Variants in GMDS observed in about 807,000 individuals in gnomAD.
The protein encoded by GMDS is GDP-mannose 4,6-dehydratase.
Under a neutral mutation model 49.9 loss-of-function variants are expected in GMDS, and 20 were observed. The observed-to-expected ratio is 0.40, with a 90% CI of 0.28 to 0.58. The LOEUF is 0.58. GMDS is among the 20% of genes least tolerant of loss of function. The pLI is 0.42. For synonymous variants in GMDS, 177 were observed against 178.6 expected (o/e 0.99, Z 0.07); for missense variants, 362 against 481.4 (o/e 0.75, Z 2.32).
intron 9 of GMDS, among the ~76,000 whole-genome samples, chr6:1,723,728 TAAG>T (rs1156982465): frequency 6.6e-6 from 1 of 152,072 alleles, no homozygotes; most frequent in Non-Finnish European, 1.5e-5. Context: ...TTACAGACTA[TAAG>T]AAGAATAAGA....
intron 4 of GMDS, among the ~76,000 whole-genome samples, chr6:1,985,631 T>A (rs1299978108): frequency 6.6e-6 from 1 of 152,038 alleles, no homozygotes; most frequent in Non-Finnish European, 1.5e-5. Flanking sequence ...GGAATCAAAA[T>A]TCTGGAAATA....
intron 4 of GMDS, among the ~76,000 whole-genome samples, chr6:2,058,900 T>C (rs1770938982): frequency 6.6e-6 from 1 of 152,038 alleles, no homozygotes; most frequent in Non-Finnish European, 1.5e-5. Flanking sequence ...AAACATGTCA[T>C]CAGGCCGGGT....
At chr6:2,041,192 T>C (rs1466396121) in intron 4 of GMDS, among the ~76,000 whole-genome samples, 4 of 152,168 alleles carry the variant, frequency 2.6e-5, no homozygotes, top group Admixed American at 6.5e-5. Flanking sequence ...AATGCACATA[T>C]GCCGACATAT....
At chr6:1,793,910 C>T (rs1769640907) in intron 7 of GMDS, among the ~76,000 whole-genome samples, 1 of 152,052 alleles carries the variant, frequency 6.6e-6, no homozygotes, top group South Asian at 2.1e-4. Flanking sequence ...ATATAATGTG[C>T]TTAGGTCTAT....
intron 2 of GMDS, among the ~76,000 whole-genome samples, chr6:2,119,674 G>C (rs1275861737): frequency 6.6e-6 from 1 of 152,084 alleles, no homozygotes; most frequent in East Asian, 1.9e-4. Context: ...AGGATTTTGG[G>C]AGAAAAAGAT....
At position 2,237,312 on chromosome 6, in the gene GMDS, C is replaced by T. The variant is rs547231306; in HGVS notation, c.102+8009G>A. Among the ~76,000 whole-genome samples, 16 of 152,298 alleles carry T rather than the reference C, an allele frequency of 1.1e-4. No homozygotes were observed. The South Asian group carries it at 2.7e-3, about 26-fold the overall frequency. ...CTAGGTTTGGCACATTGGTGCCCCACTGCCAAGAACATTACTGATAATCAG... is the reference window on the plus strand; with the variant it reads ...CTAGGTTTGGCACATTGGTGCCCCATTGCCAAGAACATTACTGATAATCAG... On this transcript the variant is annotated intron_variant, in intron 1 of 10. Transcript: ENST00000380815.
chr6:1,835,421 G>C (rs555855920), intron 7 of GMDS, among the ~76,000 whole-genome samples: 1 of 152,172 alleles, frequency 6.6e-6, no homozygotes, highest in Non-Finnish European at 1.5e-5. Flanking sequence ...AGCATTCTTT[G>C]TAGGGAGTTG....
chr6:1,997,780 G>A (rs1263128277), intron 4 of GMDS, among the ~76,000 whole-genome samples: 1 of 152,044 alleles, frequency 6.6e-6, no homozygotes, highest in Non-Finnish European at 1.5e-5. Context: ...CAAGTGCATC[G>A]AGGGGCACCT....
chr6:1,831,497 A>G (rs1756639632), intron 7 of GMDS, among the ~76,000 whole-genome samples: 2 of 152,206 alleles, frequency 1.3e-5, no homozygotes, highest in South Asian at 2.1e-4. Context: ...AAAGAAGAGC[A>G]CTCATCAATG....
chr6:1,811,596 T>C (rs184626069), intron 7 of GMDS, among the ~76,000 whole-genome samples: 4 of 147,858 alleles, frequency 2.7e-5, no homozygotes, highest in Admixed American at 1.4e-4. Context: ...TTCACAATGC[T>C]TTCTGGAGAC....
rs1476076521 is a variant in GMDS, at chr6:1,785,941, TGGA to T, written c.772-43358_772-43356del. 3.3e-5 allele frequency among the ~76,000 whole-genome samples: 5 copies of T among 152,114 alleles called. No homozygotes were observed. In the East Asian group the frequency reaches 5.8e-4, roughly 18 times the overall value. The stretch of plus-strand genomic sequence containing the variant: ...AAATAAATTCCAATGCAAGTGCTGA[TGGA>T]GGAGGAGAAGAGGCTCAGCAGAGAT... On this transcript the variant is annotated intron_variant, in intron 7 of 10. Transcript: ENST00000380815.
At chr6:2,115,323 A>C (rs1427614841) in intron 4 of GMDS, among the ~76,000 whole-genome samples, 1 of 152,248 alleles carries the variant, frequency 6.6e-6, no homozygotes, top group African/African-American at 2.4e-5. Flanking sequence ...TTAAAAAGTT[A>C]ATTCAGCTAA....
chr6:1,784,047 A>T (rs1769215117), intron 7 of GMDS, among the ~76,000 whole-genome samples: 1 of 152,220 alleles, frequency 6.6e-6, no homozygotes, highest in Admixed American at 6.5e-5. Flanking sequence ...CCCTAACAGG[A>T]GTAAAAAAAA....
rs570035956 is a variant in GMDS, at chr6:1,682,625, A to G, written c.987+43791T>C. Among the ~76,000 whole-genome samples, 9 of 25,048 alleles carry G rather than the reference A, an allele frequency of 3.6e-4. 4 individuals are homozygous for G. The highest frequency in any genetic ancestry group is 1.3e-3 in the African/African-American group (9 of 6,844). 16.4% of individuals were successfully genotyped at this position (25,048 alleles called of 152,430 possible). ...CGCTCTGTCGCCCAGGCTGGAGTGC[A>G]GTGGCGCAATCTCGGCTCACTGCAA... is the stretch of plus-strand genomic sequence containing the variant. On this transcript the variant is annotated intron_variant, in intron 9 of 10. Transcript: ENST00000380815.
At chr6:2,069,014 C>T (rs1486694403) in intron 4 of GMDS, among the ~76,000 whole-genome samples, 1 of 152,186 alleles carries the variant, frequency 6.6e-6, no homozygotes, top group Non-Finnish European at 1.5e-5. Flanking sequence ...TGACTTCAAA[C>T]TATACTATAA....
chr6:1,809,415 T>C (rs1181674635), intron 7 of GMDS, among the ~76,000 whole-genome samples: 3 of 152,184 alleles, frequency 2.0e-5, no homozygotes, highest in Non-Finnish European at 4.4e-5. Context: ...TAAATTACAT[T>C]CTAAAGCACA....
intron 7 of GMDS, among the ~76,000 whole-genome samples, chr6:1,781,740 G>A (rs1308880075): frequency 6.6e-6 from 1 of 152,084 alleles, no homozygotes; most frequent in East Asian, 1.9e-4. Flanking sequence ...TTTCAACTTA[G>A]TACTGAAAGA....
chr6:1,990,988 T>C (rs886182898), intron 4 of GMDS, among the ~76,000 whole-genome samples: 1 of 152,200 alleles, frequency 6.6e-6, no homozygotes, highest in Non-Finnish European at 1.5e-5. Context: ...GATGTTGTAA[T>C]ATTAGTCAGT....
intron 4 of GMDS, among the ~76,000 whole-genome samples, chr6:2,081,488 T>C (rs1772690657): frequency 6.6e-6 from 1 of 152,178 alleles, no homozygotes; most frequent in African/African-American, 2.4e-5. Flanking sequence ...TGCTCTGGAA[T>C]GTCCTTGTCC....
Sources: allele counts gnomAD v4.1 joint callset (sites outside exome capture counted in the v4.1 genomes callset), GRCh38; gene constraint gnomAD v4.1.1; transcripts MANE v1.5; gene names NCBI Gene and HGNC (gene_info 2026-07-23, HGNC 2026-07-21).